FGF14: variants seen among roughly 807,000 people sequenced by gnomAD.
The protein encoded by FGF14 is fibroblast growth factor homologous factor 4.
A neutral mutation model predicts 25.5 loss-of-function variants in FGF14; 5 were observed. That is an observed-to-expected ratio of 0.20 (90% confidence interval 0.10 to 0.41). The LOEUF is 0.41. Among genes scored for constraint, FGF14 ranks in the 10% least tolerant of loss-of-function variants. FGF14 has a pLI of 1.00. For synonymous variants in FGF14, 138 were observed against 118.3 expected (o/e 1.17, Z -1.08); for missense variants, 222 against 320.1 (o/e 0.69, Z 2.34).
intron 1 of FGF14, among the ~76,000 whole-genome samples, chr13:101,995,540 T>C (rs554846522): frequency 7.2e-5 from 11 of 152,314 alleles, no homozygotes; most frequent in African/African-American, 2.4e-4. Flanking sequence ...AAGTACATTA[T>C]CTTACCAATT....
chr13:101,724,597 AATATATATATATATATATATATATATAT>A (rs201033233), intron 4 of FGF14, among the ~76,000 whole-genome samples: 1 of 121,286 alleles, frequency 8.2e-6, no homozygotes, highest in African/African-American at 3.1e-5. Context: ...ATAATAATAA[AATATATATATATATATATATATATATAT>A]ATATATAAAA....
intron 1 of FGF14, among the ~76,000 whole-genome samples, chr13:101,930,256 A>G (rs1296896701): frequency 6.6e-6 from 1 of 152,222 alleles, no homozygotes; most frequent in East Asian, 1.9e-4. Flanking sequence ...CAAGGTTGCA[A>G]ATCTCAGAGG....
intron 1 of FGF14, among the ~76,000 whole-genome samples, chr13:102,189,034 GAAA>G (rs2024545034): frequency 1.4e-5 from 1 of 71,974 alleles, no homozygotes; most frequent in South Asian, 3.8e-4. Context: ...AGAAAAGAAA[GAAA>G]GAAAGAGAAA....
chr13:102,285,753 T>C (rs1006977631), intron 1 of FGF14, among the ~76,000 whole-genome samples: 1 of 152,210 alleles, frequency 6.6e-6, no homozygotes. Flanking sequence ...ACTTACAACT[T>C]ACAATAGGGT....
chr13:101,865,894 CTT>C (rs1566341102), intron 3 of FGF14, among the ~76,000 whole-genome samples: 1 of 152,038 alleles, frequency 6.6e-6, no homozygotes, highest in African/African-American at 2.4e-5. Context: ...TTAGGATAAA[CTT>C]AGAATGGATG....
intron 1 of FGF14, among the ~76,000 whole-genome samples, chr13:102,222,151 G>A (rs141145232): frequency 1.2e-4 from 18 of 152,270 alleles, no homozygotes; most frequent in Admixed American, 1.3e-4. Context: ...CCTGTCTATA[G>A]CATCGTAAGT....
At position 101,746,224 on chromosome 13, in the gene FGF14, T is replaced by A. The variant is rs9585769; in HGVS notation, c.409-19414A>T. Reference sequence around the variant, plus strand: ...GTGCAATTTCTTCATTTTATGAGTCTAGACACTAATTCACAACTATTCAGT... The same window carrying A: ...GTGCAATTTCTTCATTTTATGAGTCAAGACACTAATTCACAACTATTCAGT... On this transcript the variant is annotated intron_variant, in intron 3 of 4. Coordinates refer to ENST00000376143, the MANE Select transcript of FGF14 (RefSeq NM_004115.4). Among the ~76,000 whole-genome samples the A allele has an allele frequency of 1.5e-3, 223 of 152,094 alleles. 1 individual carries two copies. The highest frequency in any genetic ancestry group is 5.2e-3 in the African/African-American group (217 of 41,526).
At chr13:102,378,627 CTATCTATATA>C (rs1235027255) in intron 1 of FGF14, among the ~76,000 whole-genome samples, 1 of 132,746 alleles carries the variant, frequency 7.5e-6, no homozygotes, top group East Asian at 2.6e-4. Context: ...ATCTATCTAT[CTATCTATATA>C]TATATATATC....
Position 101,719,066 on chromosome 13 carries a change from A to G in FGF14, c.*3765T>C, listed in dbSNP as rs1430657246. 6.6e-6 allele frequency: 1 copy of G among 152,140 alleles called. No individual in the cohort carries two copies. The highest frequency in any genetic ancestry group is 1.9e-4 in the East Asian group (1 of 5,182). The allele number at this position is 152,140 out of a possible 1,614,324, so 9.4% of individuals were successfully genotyped here. ...TGGAAAAAATATTTCAATTATTTTC[A>G]TCTTGTTCTCAACTGGATGTTAGTC... On this transcript the variant is annotated 3_prime_UTR_variant, in exon 5 of 5. Coordinates refer to ENST00000376143, the MANE Select transcript of FGF14 (RefSeq NM_004115.4).
intron 1 of FGF14, among the ~76,000 whole-genome samples, chr13:101,948,093 C>T (rs893792491): frequency 3.9e-5 from 6 of 152,124 alleles, no homozygotes; most frequent in African/African-American, 1.4e-4. Flanking sequence ...CAATTCTTAG[C>T]GTTGTAGTCA....
chr13:102,208,308 CT>C (rs1424439924), intron 1 of FGF14, among the ~76,000 whole-genome samples: 1 of 152,190 alleles, frequency 6.6e-6, no homozygotes, highest in Non-Finnish European at 1.5e-5. Flanking sequence ...AAATAAAAGG[CT>C]TGTTGTTCAG....
At chr13:101,891,187 C>T (rs1329970733) in intron 1 of FGF14, among the ~76,000 whole-genome samples, 1 of 151,928 alleles carries the variant, frequency 6.6e-6, no homozygotes, top group Non-Finnish European at 1.5e-5. Context: ...GTGAGGAGAC[C>T]CACTACCCTT....
At chr13:101,734,566 A>T (rs1282647022) in intron 3 of FGF14, among the ~76,000 whole-genome samples, 1 of 152,204 alleles carries the variant, frequency 6.6e-6, no homozygotes, top group African/African-American at 2.4e-5. Flanking sequence ...TGCTCAAGAA[A>T]GTATTAAGAC....
At chr13:102,268,128 T>C (rs2053079555) in intron 1 of FGF14, among the ~76,000 whole-genome samples, 2 of 152,088 alleles carry the variant, frequency 1.3e-5, no homozygotes, top group Non-Finnish European at 2.9e-5. Flanking sequence ...GTGAAAAACA[T>C]CCTTAAGGAC....
intron 1 of FGF14, among the ~76,000 whole-genome samples, chr13:102,088,171 C>T (rs935270482): frequency 3.3e-5 from 5 of 152,146 alleles, no homozygotes; most frequent in African/African-American, 1.2e-4. Context: ...GGGTTCGTTT[C>T]TCTATGATAC....
rs531481813 is a variant in FGF14 at position 102,286,440 on chromosome 13, C to A, written c.208+115031G>T. On this transcript the variant is annotated intron_variant, in intron 1 of 4. Transcript: ENST00000376131. Reference sequence around the variant, plus strand: ...GTACTTTACACTCAGTCACATATTTCATTGAAATGTTTTTGCTTCTCTGCA... The same window carrying A: ...GTACTTTACACTCAGTCACATATTTAATTGAAATGTTTTTGCTTCTCTGCA... Among the ~76,000 whole-genome samples, 31 of 152,264 alleles carry A rather than the reference C, an allele frequency of 2.0e-4. No homozygotes were observed. The South Asian group carries it at 6.4e-3, about 32-fold the overall frequency.
intron 1 of FGF14, 63 bp downstream of exon 1, chr13:101,916,390 A>G (rs2033493971): frequency 2.5e-6 from 4 of 1,580,436 alleles, no homozygotes; most frequent in Non-Finnish European, 3.5e-6. Context: ...AGCCTGGAGA[A>G]GCTCCGTTTA....
chr13:101,868,273 T>C (rs2044840136), intron 3 of FGF14: 1 of 192,350 alleles, frequency 5.2e-6, no homozygotes, highest in Non-Finnish European at 1.1e-5. Flanking sequence ...ACACAGAGGC[T>C]TGCAAGAAAT....
chr13:102,357,929 C>G (rs1053847200), intron 1 of FGF14, among the ~76,000 whole-genome samples: 1 of 152,092 alleles, frequency 6.6e-6, no homozygotes. Context: ...ATTATACCAG[C>G]AGTTACACAC....
Sources: gnomAD v4.1 joint callset for allele counts (sites outside exome capture counted in the v4.1 genomes callset) on GRCh38, gnomAD v4.1.1 for gene constraint, MANE v1.5 for transcripts, NCBI Gene and HGNC (gene_info 2026-07-23, HGNC 2026-07-21) for gene names.